The following FREM2 variants were observed in gnomAD, a reference collection of about 807,000 sequenced individuals.
FREM2 encodes FRAS1 related extracellular matrix 2.
FREM2 carries 119 observed loss-of-function variants against 219.9 expected under a neutral mutation model. The ratio of observed to expected loss-of-function variants is 0.54; its 90% CI spans 0.47 to 0.63. The LOEUF (loss-of-function observed/expected upper bound fraction) is 0.63. Among genes scored for constraint, FREM2 ranks in the 30% least tolerant of loss-of-function variants. The pLI is 0.00. For synonymous variants in FREM2, 1,562 were observed against 1,522.8 expected (o/e 1.03, Z -0.60); for missense variants, 4,030 against 3,993.6 (o/e 1.01, Z -0.25).
At chr13:38,714,211 C>T (rs1394166417) in intron 2 of FREM2, among the ~76,000 whole-genome samples, 1 of 152,196 alleles carries the variant, frequency 6.6e-6, no homozygotes, top group Non-Finnish European at 1.5e-5. Context: ...AGTGAACTTG[C>T]TCAGTAAAAA....
chr13:38,873,680 G>A (rs1176876140), intron 17 of FREM2, among the ~76,000 whole-genome samples: 1 of 152,104 alleles, frequency 6.6e-6, no homozygotes, highest in African/African-American at 2.4e-5. Flanking sequence ...TTACTGTTCC[G>A]ATTCCACAAA....
chr13:38,862,360 C>T (rs1187372825), intron 15 of FREM2, among the ~76,000 whole-genome samples: 1 of 152,218 alleles, frequency 6.6e-6, no homozygotes, highest in East Asian at 1.9e-4. Flanking sequence ...TCCTTTATAG[C>T]ATAATGTTGG....
chr13:38,861,607 C>T, intron 15 of FREM2, 45 bp downstream of exon 15: 1 of 1,600,144 alleles, frequency 6.2e-7, no homozygotes, highest in South Asian at 1.1e-5. Flanking sequence ...TTTTGGACTC[C>T]TCATTACCTG....
intron 23 of FREM2, 71 bp from the exon 24 acceptor site, chr13:38,880,213 C>G: frequency 6.9e-7 from 1 of 1,453,186 alleles, no homozygotes; most frequent in Non-Finnish European, 9.6e-7. Flanking sequence ...ATTAATTTCT[C>G]TTGCAAAGAG....
chr13:38,732,091 G>C (rs1418925306), intron 2 of FREM2, among the ~76,000 whole-genome samples: 1 of 152,154 alleles, frequency 6.6e-6, no homozygotes, highest in Non-Finnish European at 1.5e-5. Context: ...AGTGAGCATT[G>C]TCTCTTTACA....
chr13:38,825,373 A>G (rs374562444), intron 6 of FREM2, among the ~76,000 whole-genome samples: 1 of 152,010 alleles, frequency 6.6e-6, no homozygotes, highest in African/African-American at 2.4e-5. Flanking sequence ...TATTCTTCCT[A>G]TTACTTACTG....
chr13:38,722,526 G>T (rs9603414), intron 2 of FREM2, among the ~76,000 whole-genome samples: 4,521 of 151,648 alleles, frequency 0.03, 107 homozygotes, highest in East Asian at 0.079. Flanking sequence ...TACCTTTTTT[G>T]AACAGTGGTT....
At chr13:38,709,877 C>T (rs1870696768) in intron 2 of FREM2, among the ~76,000 whole-genome samples, 1 of 151,938 alleles carries the variant, frequency 6.6e-6, no homozygotes, top group African/African-American at 2.4e-5. Flanking sequence ...GGCGCGGTGG[C>T]TCATGCCTAT....
intron 7 of FREM2, among the ~76,000 whole-genome samples, 200 bp downstream of exon 7, chr13:38,846,922 A>G (rs1302155988): frequency 6.6e-6 from 1 of 152,194 alleles, no homozygotes; most frequent in African/African-American, 2.4e-5. Context: ...GCCATGAATC[A>G]GAAACTAGGT....
chr13:38,864,430 C>T lies in FREM2; in HGVS notation c.7807C>T (p.Pro2603Ser). The T allele has an allele frequency of 6.2e-7, 1 of 1,614,124 alleles. No individual in the cohort carries two copies. The highest frequency in any genetic ancestry group is 1.7e-5 in the Admixed American group (1 of 60,018). ...YGFLTDATKN[P>S]EIIGETYPYQ... Reference sequence around the variant, plus strand: ...TTTCTTGACTGATGCTACCAAAAATCCAGAAATAATTGGAGAGACATATCC... The same window carrying T: ...TTTCTTGACTGATGCTACCAAAAATTCAGAAATAATTGGAGAGACATATCC... The change falls in exon 16 of 24, where the codon CCA becomes TCA. Residue 2603 changes from proline (P) to serine (S), a missense_variant. This residue lies in a region of FREM2 where 928 missense variants were observed against 1,042.9 expected (regional missense o/e 0.89). Coordinates refer to ENST00000280481, the MANE Select transcript of FREM2 (RefSeq NM_207361.6).
At chr13:38,811,045 A>T (rs1036319484) in intron 6 of FREM2, among the ~76,000 whole-genome samples, 13 of 151,850 alleles carry the variant, frequency 8.6e-5, no homozygotes, top group Non-Finnish European at 7.4e-5. Flanking sequence ...TTAATTTTTT[A>T]TATTACATTA....
chr13:38,851,641 C>A, intron 10 of FREM2, 45 bp from the exon 11 acceptor site: 1 of 1,364,356 alleles, frequency 7.3e-7, no homozygotes, highest in Non-Finnish European at 1.0e-6. Context: ...GAAAAGCATT[C>A]CCCTTACTAA....
chr13:38,815,968 C>T (rs1361439826), intron 6 of FREM2, among the ~76,000 whole-genome samples: 2 of 152,076 alleles, frequency 1.3e-5, no homozygotes, highest in East Asian at 3.9e-4. Flanking sequence ...CAAACCATAT[C>T]CAAACTACAG....
intron 6 of FREM2, among the ~76,000 whole-genome samples, chr13:38,794,328 C>G (rs1469872832): frequency 2.0e-5 from 3 of 152,090 alleles, no homozygotes; most frequent in Admixed American, 6.6e-5. Flanking sequence ...ATCTAAGAAC[C>G]AAACACATCT....
At chr13:38,860,981 C>A (rs920014400) in intron 14 of FREM2, among the ~76,000 whole-genome samples, 1 of 152,152 alleles carries the variant, frequency 6.6e-6, no homozygotes, top group Admixed American at 6.5e-5. Flanking sequence ...GTTTTATTCA[C>A]TTATAAGTAA....
chr13:38,770,367 A>G (rs934493344), intron 4 of FREM2, among the ~76,000 whole-genome samples: 3 of 151,798 alleles, frequency 2.0e-5, no homozygotes, highest in Non-Finnish European at 4.4e-5. Flanking sequence ...CAGGGATGCT[A>G]TACTTTTCCA....
chr13:38,790,756 A>T (rs1874527584), intron 6 of FREM2, among the ~76,000 whole-genome samples: 1 of 152,204 alleles, frequency 6.6e-6, no homozygotes, highest in Non-Finnish European at 1.5e-5. Context: ...ATATTTTGTG[A>T]GACAAATGCT....
chr13:38,749,167 A>G (rs1014952312), intron 2 of FREM2, among the ~76,000 whole-genome samples: 1 of 152,166 alleles, frequency 6.6e-6, no homozygotes, highest in African/African-American at 2.4e-5. Context: ...TCATACTGAA[A>G]TCTAAATCAT....
In FREM2 at chr13:38,817,512, G is replaced by A. The variant is rs145153245; in HGVS notation, c.6020-29061G>A. On this transcript the variant is annotated intron_variant, in intron 6 of 23. Coordinates refer to ENST00000280481, the MANE Select transcript of FREM2 (RefSeq NM_207361.6). ...GTATTGGGAAAATTAGTTTATCTAC[G>A]TGCAGAAGAATGAAACTAGATCCCT... is the stretch of plus-strand genomic sequence containing the variant. Among the ~76,000 whole-genome samples, 873 of 152,004 alleles carry A rather than the reference G, an allele frequency of 5.7e-3. 7 individuals are homozygous for A. Among genetic ancestry groups the A allele is most frequent in the African/African-American group, 0.019 (768 of 41,472 alleles).
Sources: gnomAD v4.1 joint callset for allele counts (sites outside exome capture counted in the v4.1 genomes callset) on GRCh38, gnomAD v4.1.1 for gene constraint, gnomAD v4.1.1 regional missense constraint, MANE v1.5 for transcripts, NCBI Gene and HGNC (gene_info 2026-07-23, HGNC 2026-07-21) for gene names.